Variants in STARD8 observed in about 807,000 individuals in gnomAD.
STARD8 encodes StAR related lipid transfer domain containing 8, also known as stAR-related lipid transfer protein 8.
A neutral mutation model predicts 69.4 loss-of-function variants in STARD8; 25 were observed. The ratio of observed to expected loss-of-function variants is 0.36; its 90% CI spans 0.26 to 0.50. The LOEUF (loss-of-function observed/expected upper bound fraction) is 0.50, where lower values mean the gene tolerates loss of function less well. Among genes scored for constraint, STARD8 ranks in the 20% least tolerant of loss-of-function variants. The pLI, the probability that STARD8 is intolerant of heterozygous loss-of-function variation, is 0.96. For synonymous variants in STARD8, 389 were observed against 374.6 expected, an observed-to-expected ratio of 1.04 and a Z score of -0.45; for missense variants, 921 against 932.5, an observed-to-expected ratio of 0.99 and a Z score of 0.16.
rs950751228 is a variant in STARD8 at position 68,662,975 on chromosome X, T to C, written c.46-2524T>C. On this transcript the variant is annotated intron_variant, in intron 1 of 14. Coordinates refer to ENST00000374599, the MANE Select transcript of STARD8 (RefSeq NM_001142503.3). ...TAGCTCTGAGGAGGTACCTAATGAA[T>C]GAGTGAATAAATAAAGGAATATATG... 1.1e-3 allele frequency among the ~76,000 whole-genome samples: 118 copies of C among 111,831 alleles called. 1 individual carries two copies. The highest frequency in any genetic ancestry group is 3.8e-3 in the African/African-American group (116 of 30,799).
intron 7 of STARD8, 45 bp downstream of exon 7, chrX:68,719,443 G>C (rs1178490672): frequency 1.8e-6 from 2 of 1,113,003 alleles, no homozygotes; most frequent in African/African-American, 3.6e-5. Context: ...TGCTGACTCA[G>C]GTCCACGTCC....
intron 1 of STARD8, among the ~76,000 whole-genome samples, chrX:68,663,966 C>T (rs186084352): frequency 3.7e-4 from 41 of 111,776 alleles, no homozygotes; most frequent in African/African-American, 1.3e-3. Flanking sequence ...CAATTGTGGG[C>T]TACGAGGGTG....
intron 1 of STARD8, among the ~76,000 whole-genome samples, chrX:68,652,872 C>CCCACACACACA (rs1556018096): frequency 3.7e-5 from 1 of 27,240 alleles, no homozygotes; most frequent in Non-Finnish European, 5.8e-5. Context: ...CACACACACA[C>CCCACACACACA]CCACACCCCA....
intron 2 of STARD8, among the ~76,000 whole-genome samples, chrX:68,712,614 A>T (rs1301664890): frequency 9.0e-6 from 1 of 111,442 alleles, no homozygotes; most frequent in Non-Finnish European, 1.9e-5. Context: ...ACCCCAGATG[A>T]TCCTGGTTCC....
chrX:68,695,781 A>T (rs1181496954), intron 2 of STARD8, among the ~76,000 whole-genome samples: 1 of 111,765 alleles, frequency 8.9e-6, no homozygotes, highest in Non-Finnish European at 1.9e-5. Flanking sequence ...GTCCTCTTAA[A>T]GTTTTAAAAT....
intron 8 of STARD8, 121 bp from the exon 9 acceptor site, chrX:68,720,803 G>A: frequency 1.5e-6 from 1 of 654,880 alleles, no homozygotes; most frequent in Non-Finnish European, 2.3e-6. Context: ...CAGGAGGCCT[G>A]ATAAGCTTTG....
At chrX:68,701,044 C>T (rs1333270243) in intron 2 of STARD8, among the ~76,000 whole-genome samples, 1 of 111,559 alleles carries the variant, frequency 9.0e-6, no homozygotes, top group Non-Finnish European at 1.9e-5. Context: ...CCTGCCACCT[C>T]GTGGGCATTC....
At chrX:68,711,753 T>C (rs1293539522) in intron 2 of STARD8, among the ~76,000 whole-genome samples, 2 of 112,304 alleles carry the variant, frequency 1.8e-5, no homozygotes, top group East Asian at 5.6e-4. Context: ...GCTCTTCCTG[T>C]CTTGGAAAAA....
At chrX:68,709,167 A>G (rs1048729621) in intron 2 of STARD8, among the ~76,000 whole-genome samples, 8 of 112,527 alleles carry the variant, frequency 7.1e-5, no homozygotes, top group African/African-American at 2.6e-4. Context: ...ATAACCCATT[A>G]CATTCTCTAG....
At chrX:68,686,695 A>G (rs998683203) in intron 2 of STARD8, among the ~76,000 whole-genome samples, 6 of 112,310 alleles carry the variant, frequency 5.3e-5, no homozygotes, top group Non-Finnish European at 1.1e-4. Flanking sequence ...GTTGAGTCCT[A>G]TGTCCATTTG....
intron 2 of STARD8, among the ~76,000 whole-genome samples, chrX:68,711,439 C>T (rs755279330): frequency 7.2e-5 from 8 of 111,430 alleles, no homozygotes; most frequent in Non-Finnish European, 1.1e-4. Flanking sequence ...TGGGCACTGA[C>T]CTGTTGCATT....
chrX:68,693,059 A>G (rs1455920230), intron 2 of STARD8, among the ~76,000 whole-genome samples: 1 of 112,746 alleles, frequency 8.9e-6, no homozygotes, highest in African/African-American at 3.2e-5. Flanking sequence ...GAACTCCTGG[A>G]AGCCCTCCCC....
intron 4 of STARD8, 130 bp from the exon 5 acceptor site, chrX:68,716,238 C>A: frequency 1.8e-6 from 1 of 562,668 alleles, no homozygotes; most frequent in South Asian, 3.0e-5. Context: ...GGTTCTTAAA[C>A]CTTCACGAAT....
chrX:68,674,959 T>A (rs1250541693), intron 2 of STARD8, among the ~76,000 whole-genome samples: 1 of 99,543 alleles, frequency 1.0e-5, no homozygotes. Flanking sequence ...ATTTTTGTAT[T>A]TTTTTTTTTT....
intron 2 of STARD8, among the ~76,000 whole-genome samples, chrX:68,697,890 A>G (rs1203252255): frequency 1.8e-5 from 2 of 112,372 alleles, no homozygotes; most frequent in Non-Finnish European, 3.8e-5. Flanking sequence ...CCCTGACTGC[A>G]GGCTCCTGCT....
intron 2 of STARD8, among the ~76,000 whole-genome samples, chrX:68,695,771 G>T (rs1412888818): frequency 8.9e-6 from 1 of 111,804 alleles, no homozygotes; most frequent in Non-Finnish European, 1.9e-5. Flanking sequence ...GTCCCTCTCT[G>T]TCCTCTTAAA....
intron 2 of STARD8, among the ~76,000 whole-genome samples, chrX:68,687,635 G>T (rs1005047270): frequency 8.9e-6 from 1 of 112,219 alleles, no homozygotes. Context: ...TACTTATGGG[G>T]ACACTGAGAG....
In STARD8 at chrX:68,720,311, G is replaced by T; in HGVS notation, c.1937G>T (p.Gly646Val). 2 of 1,207,803 alleles carry T rather than the reference G, an allele frequency of 1.7e-6. No individual in the cohort carries two copies. The highest frequency in any genetic ancestry group is 2.2e-6 in the Non-Finnish European group (2 of 893,346). ...AGGAACAAGACCCCAGATTACCGGG[G>T]ACAGCACGTATTTGGGGTGCCACCC... ...MRRNKTPDYR[G>V]QHVFGVPPLI... Residue 646 changes from glycine (G) to valine (V), a missense_variant, in exon 8 of 15, where the codon GGA (glycine) becomes GTA (valine). By Grantham distance (109) the Gly-to-Val change is moderately radical. Transcript: ENST00000374599.
intron 2 of STARD8, among the ~76,000 whole-genome samples, chrX:68,698,701 G>A (rs954454608): frequency 1.8e-5 from 2 of 110,421 alleles, no homozygotes; most frequent in African/African-American, 3.3e-5. Context: ...GAACCACCCC[G>A]TGGGCCTACT....
Sources: gnomAD v4.1 joint callset for allele counts (sites outside exome capture counted in the v4.1 genomes callset) on GRCh38, gnomAD v4.1.1 for gene constraint, MANE v1.5 for transcripts, NCBI Gene and HGNC (gene_info 2026-07-23, HGNC 2026-07-21) for gene names.